The following ZC3H12B variants were observed in gnomAD, a reference collection of about 807,000 sequenced individuals.
ZC3H12B encodes the protein zinc finger CCCH-type containing 12B, also known as probable ribonuclease ZC3H12B.
ZC3H12B carries 7 observed loss-of-function variants against 43.9 expected under a neutral mutation model. The observed-to-expected ratio is 0.16, with a 90% CI of 0.09 to 0.30. The LOEUF (loss-of-function observed/expected upper bound fraction) is 0.30. Ranked by LOEUF, ZC3H12B falls within the 10% of genes least tolerant of loss-of-function variation. The probability of loss-of-function intolerance (pLI) is 1.00; values close to 1 mark genes in which losing one functional copy is unlikely to be tolerated. For synonymous variants in ZC3H12B, 222 were observed against 241.7 expected, an observed-to-expected ratio of 0.92 and a Z score of 0.76; for missense variants, 475 against 670.2, an observed-to-expected ratio of 0.71 and a Z score of 3.22.
At chrX:65,124,541 A>T in the ZC3H12B span, among the ~76,000 whole-genome samples, 10 of 110,555 alleles carry the variant, frequency 9.0e-5, no homozygotes, top group African/African-American at 3.3e-4. Context: ...TGTGTTTTGG[A>T]ATAGTGTCAA....
chrX:65,054,167 A>G, the ZC3H12B span, among the ~76,000 whole-genome samples: 1 of 111,812 alleles, frequency 8.9e-6, no homozygotes, highest in African/African-American at 3.3e-5. Flanking sequence ...GGTGTTTTAG[A>G]CATGAAGTCC....
chrX:65,123,953 T>G, the ZC3H12B span, among the ~76,000 whole-genome samples: 3 of 110,807 alleles, frequency 2.7e-5, no homozygotes, highest in Non-Finnish European at 5.7e-5. Context: ...CAGTTTGACT[T>G]CCTCGTTACT....
chrX:65,291,375 A>G, the ZC3H12B span, among the ~76,000 whole-genome samples: 1 of 112,336 alleles, frequency 8.9e-6, no homozygotes, highest in Admixed American at 9.4e-5. Flanking sequence ...TATTGAAAAT[A>G]CCAAGATGTG....
At chrX:65,316,232 A>G in the ZC3H12B span, among the ~76,000 whole-genome samples, 2 of 112,376 alleles carry the variant, frequency 1.8e-5, no homozygotes, top group Non-Finnish European at 3.8e-5. Context: ...AGATAAATCA[A>G]GCAACTTGGA....
At chrX:65,247,145 C>T in the ZC3H12B span, among the ~76,000 whole-genome samples, 2 of 112,367 alleles carry the variant, frequency 1.8e-5, no homozygotes, top group Non-Finnish European at 3.8e-5. Flanking sequence ...AAAAGCTCAA[C>T]ATCACTGATT....
At chrX:65,120,123 A>C in the ZC3H12B span, among the ~76,000 whole-genome samples, 2 of 111,869 alleles carry the variant, frequency 1.8e-5, no homozygotes, top group Non-Finnish European at 3.8e-5. Context: ...TTAACTTGGC[A>C]GTGCAGGCTC....
At chrX:65,337,250 T>C in the ZC3H12B span, among the ~76,000 whole-genome samples, 1 of 111,885 alleles carries the variant, frequency 8.9e-6, no homozygotes, top group Non-Finnish European at 1.9e-5. Flanking sequence ...GTATCGTCCC[T>C]TTGGGGTTCA....
At chrX:65,347,159 A>T in the ZC3H12B span, among the ~76,000 whole-genome samples, 1 of 111,750 alleles carries the variant, frequency 8.9e-6, no homozygotes, top group African/African-American at 3.3e-5. Context: ...ACCCACGCAA[A>T]CAGGGTCTGG....
chrX:65,090,427 C>G, the ZC3H12B span, among the ~76,000 whole-genome samples: 2 of 112,212 alleles, frequency 1.8e-5, no homozygotes, highest in East Asian at 5.6e-4. Flanking sequence ...TTTTTTGTAA[C>G]TAAGTCACAC....
chrX:65,043,766 C>A, the ZC3H12B span, among the ~76,000 whole-genome samples: 1 of 111,398 alleles, frequency 9.0e-6, no homozygotes, highest in African/African-American at 3.3e-5. Context: ...AAAATAAAAT[C>A]TTAAAAGACA....
chrX:65,176,158 A>C, the ZC3H12B span, among the ~76,000 whole-genome samples: 2 of 112,148 alleles, frequency 1.8e-5, no homozygotes, highest in African/African-American at 6.5e-5. Context: ...TCTAGCTGCC[A>C]GGACAGCAGT....
At chrX:65,158,849 T>C in the ZC3H12B span, among the ~76,000 whole-genome samples, 1 of 112,155 alleles carries the variant, frequency 8.9e-6, no homozygotes, top group African/African-American at 3.2e-5. Flanking sequence ...TCCTTGCCCA[T>C]GCCTGTGTCC....
intron 3 of ZC3H12B, among the ~76,000 whole-genome samples, chrX:65,399,667 A>G (rs1159208679): frequency 1.8e-5 from 2 of 112,175 alleles, no homozygotes; most frequent in African/African-American, 6.5e-5. Flanking sequence ...TGTTCCAGCA[A>G]TCCCACTGTT....
chrX:65,244,727 C>CAAAAAAAAA, the ZC3H12B span, among the ~76,000 whole-genome samples: 78 of 20,336 alleles, frequency 3.8e-3, no homozygotes, highest in African/African-American at 0.014. Flanking sequence ...AATACCTTGC[C>CAAAAAAAAA]AAAAAAAAAA....
chrX:65,136,252 C>T, the ZC3H12B span, among the ~76,000 whole-genome samples: 13 of 111,634 alleles, frequency 1.2e-4, no homozygotes, highest in South Asian at 5.0e-3. Context: ...CCAGGTTTCT[C>T]ACTGAGCCTC....
intron 3 of ZC3H12B, among the ~76,000 whole-genome samples, chrX:65,450,774 C>T (rs865894247): frequency 6.2e-5 from 3 of 48,103 alleles, no homozygotes; most frequent in Admixed American, 2.6e-4. Context: ...TATATGTATA[C>T]ATATGTGTAT....
chrX:65,212,489 T>C, the ZC3H12B span, among the ~76,000 whole-genome samples: 1 of 69,028 alleles, frequency 1.4e-5, no homozygotes, highest in Non-Finnish European at 2.4e-5. Context: ...TAATATATAT[T>C]ATATAATATA....
chrX:65,313,689 A>G, the ZC3H12B span, among the ~76,000 whole-genome samples: 8 of 112,427 alleles, frequency 7.1e-5, no homozygotes, highest in African/African-American at 2.3e-4. Flanking sequence ...GCTAAAACAA[A>G]CACAAATTAA....
the ZC3H12B span, among the ~76,000 whole-genome samples, chrX:65,305,004 G>A: frequency 1.8e-5 from 2 of 111,629 alleles, no homozygotes; most frequent in East Asian, 5.6e-4. Flanking sequence ...CTTTGAACAG[G>A]TATTTTATCA....
Sources: gnomAD v4.1 joint callset for allele counts (sites outside exome capture counted in the v4.1 genomes callset) on GRCh38, gnomAD v4.1.1 for gene constraint, MANE v1.5 for transcripts, NCBI Gene and HGNC (gene_info 2026-07-23, HGNC 2026-07-21) for gene names.